SRGAP3: variants seen among roughly 807,000 people sequenced by gnomAD.
SRGAP3 encodes the protein SLIT-ROBO Rho GTPase-activating protein 3.
A neutral mutation model predicts 121.1 loss-of-function variants in SRGAP3; 39 were observed. The ratio of observed to expected loss-of-function variants is 0.32; its 90% CI spans 0.25 to 0.42. The LOEUF is 0.42. Among genes scored for constraint, SRGAP3 ranks in the 10% least tolerant of loss-of-function variants. The pLI, the probability that SRGAP3 is intolerant of heterozygous loss-of-function variation, is 1.00. For missense variants in SRGAP3, 1,213 were observed against 1,470.6 expected, an observed-to-expected ratio of 0.82 and a Z score of 2.86; for synonymous variants, 601 against 570.0, an observed-to-expected ratio of 1.05 and a Z score of -0.77.
chr3:9,274,716 A>G (rs1954538873), intron 3 of SRGAP3, among the ~76,000 whole-genome samples: 1 of 152,206 alleles, frequency 6.6e-6, no homozygotes, highest in African/African-American at 2.4e-5. Context: ...TGCTGATGAA[A>G]GTGGCTTTCA....
intron 1 of SRGAP3, among the ~76,000 whole-genome samples, chr3:9,213,017 C>T (rs1025583940): frequency 2.6e-4 from 39 of 152,176 alleles, no homozygotes; most frequent in African/African-American, 8.9e-4. Flanking sequence ...AGCTCCATGC[C>T]GGGGCAAATT....
At chr3:9,134,909 G>A (rs1349242846) in intron 1 of SRGAP3, among the ~76,000 whole-genome samples, 1 of 152,218 alleles carries the variant, frequency 6.6e-6, no homozygotes, top group Non-Finnish European at 1.5e-5. Flanking sequence ...CCTGCCACAT[G>A]CTCAGGTGGG....
In SRGAP3 at chr3:9,062,504, G is replaced by A. The variant is rs1946223626; in HGVS notation, c.672+1892C>T. 2.0e-5 allele frequency among the ~76,000 whole-genome samples: 3 copies of A among 152,246 alleles called. No homozygotes were observed. In the South Asian group the frequency reaches 6.2e-4, roughly 32 times the overall value. ...TATTTTCATCACCCCAGAAAGAAAT[G>A]CTGCACCCATTCACAGTCACTCCCC... On this transcript the variant is annotated intron_variant, in intron 5 of 21. Coordinates refer to ENST00000383836, the MANE Select transcript of SRGAP3 (RefSeq NM_014850.4).
At chr3:9,214,274 A>C (rs1377091078) in intron 1 of SRGAP3, among the ~76,000 whole-genome samples, 1 of 152,218 alleles carries the variant, frequency 6.6e-6, no homozygotes, top group Non-Finnish European at 1.5e-5. Context: ...AACAGTTTGC[A>C]AAGAATACTC....
chr3:9,248,520 C>A (rs910575926), intron 1 of SRGAP3, among the ~76,000 whole-genome samples: 10 of 152,222 alleles, frequency 6.6e-5, no homozygotes, highest in Admixed American at 3.9e-4. Context: ...TATTAAAGGG[C>A]TTTTACCATG....
chr3:9,207,649 C>A (rs1168498619), intron 1 of SRGAP3, among the ~76,000 whole-genome samples: 1 of 152,180 alleles, frequency 6.6e-6, no homozygotes, highest in Non-Finnish European at 1.5e-5. Flanking sequence ...AAGGCCTCAG[C>A]AGACTCCACG....
intron 3 of SRGAP3, among the ~76,000 whole-genome samples, chr3:9,303,889 G>A (rs1024317491): frequency 1.3e-5 from 2 of 152,128 alleles, no homozygotes; most frequent in Admixed American, 1.3e-4. Flanking sequence ...CAGTGTGCTG[G>A]GCCCTGGGGT....
intron 1 of SRGAP3, among the ~76,000 whole-genome samples, chr3:9,352,369 C>T (rs931835084): frequency 6.0e-5 from 9 of 150,722 alleles, no homozygotes; most frequent in Admixed American, 4.6e-4. Context: ...CACCTCCCAG[C>T]TTCAAGTGAT....
At position 8,981,829 on chromosome 3, in the gene SRGAP3, A is replaced by T. The variant is rs1435219518; in HGVS notation, c.*3690T>A. 1 of 229,442 alleles carries T rather than the reference A, an allele frequency of 4.4e-6. No individual in the cohort carries two copies. Among genetic ancestry groups the T allele is most frequent in the Non-Finnish European group, 8.7e-6 (1 of 115,480 alleles). 14.2% of individuals were successfully genotyped at this position (229,442 alleles called of 1,614,324 possible). On this transcript the variant is annotated 3_prime_UTR_variant, in exon 22 of 22. Coordinates refer to ENST00000383836, the MANE Select transcript of SRGAP3 (RefSeq NM_014850.4). ...GAAACCTTTCATCCCTTGGGAATCCATCTCTCTCCTGACCCCTGGCCTGGT... is the reference window on the plus strand; with the variant it reads ...GAAACCTTTCATCCCTTGGGAATCCTTCTCTCTCCTGACCCCTGGCCTGGT...
chr3:9,349,088 T>C lies in SRGAP3; in HGVS notation n.214+13752A>G, dbSNP rs544113029. On this transcript the variant is annotated intron_variant and non_coding_transcript_variant, in intron 1 of 3. Transcript: ENST00000490889. The stretch of plus-strand genomic sequence containing the variant: ...CCTGCCCACTGGTATTCCCGTTGTC[T>C]ATGAATTGGACAAGAACTTGAAACC... The C allele has an allele frequency of 3.4e-4, 317 of 921,408 alleles. 1 individual carries two copies. In the African/African-American group the frequency reaches 4.9e-3, roughly 14 times the overall value. 57.1% of individuals were successfully genotyped at this position (921,408 alleles called of 1,614,324 possible).
In SRGAP3 at chr3:9,236,578, T is replaced by C. The variant is rs191817007; in HGVS notation, c.67+12307A>G. Among the ~76,000 whole-genome samples, 39 of 151,876 alleles carry C rather than the reference T, an allele frequency of 2.6e-4. No individual in the cohort carries two copies. In the East Asian group the frequency reaches 5.4e-3, roughly 21 times the overall value. ...CTGGTTGTTTAAAAGTGTGTGGCAC[T>C]TCCCCCCCCCTCTTCTTCCTACTCC... On this transcript the variant is annotated intron_variant, in intron 1 of 21. Transcript: ENST00000383836.
intron 18 of SRGAP3, among the ~76,000 whole-genome samples, chr3:9,000,271 C>G (rs1013446779): frequency 6.6e-6 from 1 of 152,212 alleles, no homozygotes; most frequent in African/African-American, 2.4e-5. Context: ...GGTGGCTGTA[C>G]TTTGGGCATG....
intron 1 of SRGAP3, among the ~76,000 whole-genome samples, chr3:9,214,933 G>T (rs1952565474): frequency 6.6e-6 from 1 of 152,176 alleles, no homozygotes; most frequent in Non-Finnish European, 1.5e-5. Flanking sequence ...AGCTGCATTT[G>T]AAACAATCTT....
At chr3:9,324,185 TA>T (rs1955479666) in intron 3 of SRGAP3, among the ~76,000 whole-genome samples, 1 of 151,948 alleles carries the variant, frequency 6.6e-6, no homozygotes, top group Admixed American at 6.5e-5. Context: ...CGCATACTAC[TA>T]AGTTAGGTTT....
chr3:9,308,470 G>A (rs1280063055), intron 3 of SRGAP3, among the ~76,000 whole-genome samples: 1 of 152,166 alleles, frequency 6.6e-6, no homozygotes, highest in Non-Finnish European at 1.5e-5. Context: ...TCAGAGAAGA[G>A]GGCCTGCCAG....
chr3:9,076,209 C>T (rs908552759), intron 4 of SRGAP3, among the ~76,000 whole-genome samples: 8 of 152,096 alleles, frequency 5.3e-5, no homozygotes, highest in South Asian at 2.1e-4. Context: ...CACAGAATCA[C>T]GAGCACAGAA....
At chr3:9,360,350 G>T (rs747627272) in intron 1 of SRGAP3, among the ~76,000 whole-genome samples, 1 of 152,188 alleles carries the variant, frequency 6.6e-6, no homozygotes, top group Non-Finnish European at 1.5e-5. Flanking sequence ...AGAAAATAGT[G>T]TAAGTTAAAA....
intron 1 of SRGAP3, among the ~76,000 whole-genome samples, chr3:9,209,358 A>T (rs1033419438): frequency 6.6e-6 from 1 of 152,266 alleles, no homozygotes; most frequent in African/African-American, 2.4e-5. Flanking sequence ...TCAAAGCCAT[A>T]GGAAAAGATC....
chr3:9,026,888 ACCT>A, intron 13 of SRGAP3, 44 bp downstream of exon 13: 1 of 1,574,964 alleles, frequency 6.3e-7, no homozygotes, highest in Non-Finnish European at 8.7e-7. Context: ...ACAGCCTAGC[ACCT>A]GTTCTGCAGA....
Sources: allele counts gnomAD v4.1 joint callset (sites outside exome capture counted in the v4.1 genomes callset), GRCh38; gene constraint gnomAD v4.1.1; transcripts MANE v1.5; gene names NCBI Gene and HGNC (gene_info 2026-07-23, HGNC 2026-07-21).